The following DTX1 variants were observed in gnomAD, a reference collection of about 807,000 sequenced individuals.
The protein encoded by DTX1 is E3 ubiquitin-protein ligase DTX1.
A neutral mutation model predicts 57.8 loss-of-function variants in DTX1; 26 were observed. The observed-to-expected ratio is 0.45, with a 90% CI of 0.33 to 0.62. The LOEUF is 0.62. Among genes scored for constraint, DTX1 ranks in the 20% least tolerant of loss-of-function variants. The probability of loss-of-function intolerance (pLI) is 0.02; values close to 1 mark genes in which losing one functional copy is unlikely to be tolerated. For missense variants in DTX1, 704 were observed against 895.3 expected (o/e 0.79, Z 2.73); for synonymous variants, 398 against 394.1 (o/e 1.01, Z -0.12).
rs1950319054 is a variant in DTX1, at chr12:113,097,471, T to TTGGGCACCCACTGCCCCCCA, written c.*532_*533insTGGGCACCCACTGCCCCCCA. On this transcript the variant is annotated 3_prime_UTR_variant, in exon 10 of 10. Coordinates refer to ENST00000548759, the MANE Select transcript of DTX1 (RefSeq NM_004416.3). ...CACCCATTCCGTGTCATCACCCATG[T>TTGGGCACCCACTGCCCCCCA]CTGCCACCCACTGATTGGGCAATTG... 6.5e-6 allele frequency: 1 copy of TTGGGCACCCACTGCCCCCCA among 152,792 alleles called. No homozygotes were observed. The highest frequency in any genetic ancestry group is 6.5e-5 in the Admixed American group (1 of 15,312). The allele number at this position is 152,792 out of a possible 1,614,324, so 9.5% of individuals were successfully genotyped here.
chr12:113,083,309 G>A (rs972563649), intron 3 of DTX1, among the ~76,000 whole-genome samples: 1 of 152,098 alleles, frequency 6.6e-6, no homozygotes, highest in African/African-American at 2.4e-5. Flanking sequence ...GTGTCTGTGT[G>A]TCTCTCCTTT....
chr12:113,088,649 T>A (rs1288047051), intron 3 of DTX1, among the ~76,000 whole-genome samples: 3 of 152,192 alleles, frequency 2.0e-5, no homozygotes. Context: ...ATTAGTGCTA[T>A]GAAAAAAGAA....
chr12:113,085,984 T>C (rs886665202), intron 3 of DTX1, among the ~76,000 whole-genome samples: 1 of 152,128 alleles, frequency 6.6e-6, no homozygotes, highest in African/African-American at 2.4e-5. Flanking sequence ...AAGCAAGGTA[T>C]GGTCCAGGCA....
intron 2 of DTX1, among the ~76,000 whole-genome samples, chr12:113,074,809 T>G (rs770418984): frequency 2.0e-4 from 31 of 152,160 alleles, no homozygotes; most frequent in Non-Finnish European, 3.2e-4. Context: ...TGGAGATGAC[T>G]GGATTTACTG....
In DTX1 at chr12:113,096,863, C is replaced by T. The variant is rs370702255; in HGVS notation, c.1787C>T (p.Pro596Leu). The T allele has an allele frequency of 1.2e-6, 2 of 1,613,794 alleles. No homozygotes were observed. Among genetic ancestry groups the T allele is most frequent in the Non-Finnish European group, 1.7e-6 (2 of 1,180,034 alleles). The change falls in exon 10 of 10, where the codon CCG becomes CTG. Residue 596 changes from proline (P) to leucine (L), a missense_variant. By Grantham distance (98) the Pro-to-Leu change is moderately conservative. This residue lies in a region of DTX1 where 168 missense variants were observed against 255.6 expected (regional missense o/e 0.66). Transcript: ENST00000548759. ...TCCAACCTCACGGGCCACGGCTACC[C>T]GGACGCTAGCTACCTAGACAACGTG... is the stretch of plus-strand genomic sequence containing the variant. Reference protein sequence around the residue: ...FGSNLTGHGYPDASYLDNVLA... With the variant: ...FGSNLTGHGYLDASYLDNVLA...
At chr12:113,068,993 A>G (rs1028888922) in intron 2 of DTX1, among the ~76,000 whole-genome samples, 1 of 152,230 alleles carries the variant, frequency 6.6e-6, no homozygotes, top group Non-Finnish European at 1.5e-5. Context: ...TGTACAAGAC[A>G]GTGATCGTAA....
chr12:113,082,071 G>A (rs992406414), intron 3 of DTX1, among the ~76,000 whole-genome samples: 7 of 152,050 alleles, frequency 4.6e-5, no homozygotes, highest in Non-Finnish European at 7.4e-5. Context: ...GTTGTCTCCA[G>A]CCACATGCCG....
chr12:113,088,119 C>CG (rs1027780053), intron 3 of DTX1, among the ~76,000 whole-genome samples: 1 of 152,216 alleles, frequency 6.6e-6, no homozygotes, highest in African/African-American at 2.4e-5. Context: ...GCCCCTGACT[C>CG]GGAAACTCCA....
Position 113,097,236 on chromosome 12 carries a change from C to T in DTX1, c.*297C>T, listed in dbSNP as rs185442639. ...ACACATGTCCTGTTGAACTCATGCA[C>T]GCACACCCACGTGCCTGTACTTGCC... On this transcript the variant is annotated 3_prime_UTR_variant, in exon 10 of 10. Coordinates refer to ENST00000548759, the MANE Select transcript of DTX1 (RefSeq NM_004416.3). The T allele has an allele frequency of 2.4e-5, 9 of 375,350 alleles. No individual in the cohort carries two copies. Among genetic ancestry groups the T allele is most frequent in the Admixed American group, 1.3e-4 (3 of 23,136 alleles). The allele number at this position is 375,350 out of a possible 1,614,324, so 23.3% of individuals were successfully genotyped here. A position where few individuals can be genotyped will look rare whatever the true frequency, so the allele number is the denominator to read the frequency against.
intron 1 of DTX1, 46 bp from the exon 2 acceptor site, chr12:113,057,403 T>G (rs2136419824): frequency 6.6e-6 from 1 of 152,332 alleles, no homozygotes; most frequent in East Asian, 1.9e-4. Context: ...GAGGGGGTGC[T>G]GCGCTCTCCT....
At position 113,078,036 on chromosome 12, in the gene DTX1, A is replaced by C; in HGVS notation, c.872A>C (p.Gln291Pro). The C allele has an allele frequency of 1.4e-5, 18 of 1,311,636 alleles. No homozygotes were observed. Among genetic ancestry groups the C allele is most frequent in the Non-Finnish European group, 1.8e-5 (18 of 1,027,870 alleles). 81.2% of individuals were successfully genotyped at this position (1,311,636 alleles called of 1,614,324 possible). A position where few individuals can be genotyped will look rare whatever the true frequency, so the allele number is the denominator to read the frequency against. The change falls in exon 3 of 10, where the codon CAG becomes CCG. Residue 291 changes from glutamine to proline, a missense_variant. Physicochemically the swap from Gln to Pro is moderately conservative, Grantham distance 76. Coordinates refer to ENST00000548759, the MANE Select transcript of DTX1 (RefSeq NM_004416.3). ...CCCGGCGGAGCGCGCACCCCGGGGC[A>C]GAACAACCTCAACCGGCCCGGGCCC... ...GAPGGARTPG[Q>P]NNLNRPGPQR...
chr12:113,071,349 T>C (rs2044736855), intron 2 of DTX1, among the ~76,000 whole-genome samples: 1 of 152,198 alleles, frequency 6.6e-6, no homozygotes, highest in Admixed American at 6.5e-5. Context: ...AAGCCTGGAA[T>C]TTTTCTGCCA....
rs780617702 is a variant in DTX1 at position 113,097,057 on chromosome 12, G to A, written c.*118G>A. On this transcript the variant is annotated 3_prime_UTR_variant, in exon 10 of 10. Coordinates refer to ENST00000548759, the MANE Select transcript of DTX1 (RefSeq NM_004416.3). ...TGGGGAGGAGCCTGCGGAAGGGGCC[G>A]CAGCCATTCAGGGGACCTGCCTGGT... 5.2e-5 allele frequency: 61 copies of A among 1,182,486 alleles called. No homozygotes were observed. The highest frequency in any genetic ancestry group is 1.1e-4 in the Admixed American group (4 of 36,818). 73.2% of individuals were successfully genotyped at this position (1,182,486 alleles called of 1,614,324 possible). A position where few individuals can be genotyped will look rare whatever the true frequency, so the allele number is the denominator to read the frequency against.
At chr12:113,095,000 TG>T (rs769440988) in intron 7 of DTX1, 41 bp from the exon 8 acceptor site, 63 of 1,604,386 alleles carry the variant, frequency 3.9e-5, no homozygotes, top group African/African-American at 8.0e-5. Flanking sequence ...GAGTGGGGTT[TG>T]GGGGGGTGCT....
chr12:113,073,773 C>T (rs1261184150), intron 2 of DTX1, among the ~76,000 whole-genome samples: 1 of 152,152 alleles, frequency 6.6e-6, no homozygotes, highest in Non-Finnish European at 1.5e-5. Context: ...AGGAAGATGC[C>T]AATTAACAAT....
chr12:113,078,689 T>C (rs967328449), intron 3 of DTX1, among the ~76,000 whole-genome samples: 1 of 152,130 alleles, frequency 6.6e-6, no homozygotes. Context: ...CCAAAGTCTG[T>C]GCTGTGTTGT....
chr12:113,089,136 G>A (rs1260223936), intron 3 of DTX1, among the ~76,000 whole-genome samples: 1 of 152,180 alleles, frequency 6.6e-6, no homozygotes, highest in Non-Finnish European at 1.5e-5. Context: ...CCTTGGGAAA[G>A]GGTCAGCAAG....
chr12:113,093,391 C>G lies in DTX1; in HGVS notation c.1004-148C>G. On this transcript the variant is annotated intron_variant, in intron 4 of 9. Coordinates refer to ENST00000548759, the MANE Select transcript of DTX1 (RefSeq NM_004416.3). The surrounding 1 kb of genome is among the most constrained non-coding windows in gnomAD (Gnocchi z 4.2). ...GGCGGGCGTGGCCCGCAGAAAGGCCCTTCAGGGGCCTTCAAGGGGCTGAGT... is the reference window on the plus strand; with the variant it reads ...GGCGGGCGTGGCCCGCAGAAAGGCCGTTCAGGGGCCTTCAAGGGGCTGAGT... The G allele has an allele frequency of 3.7e-6, 5 of 1,343,062 alleles. No homozygotes were observed. The highest frequency in any genetic ancestry group is 5.0e-6 in the Non-Finnish European group (5 of 1,009,684). 83.2% of individuals were successfully genotyped at this position (1,343,062 alleles called of 1,614,324 possible).
At position 113,097,803 on chromosome 12, in the gene DTX1, G is replaced by C. The variant is rs1173721622; in HGVS notation, c.*864G>C. 1.3e-5 allele frequency: 2 copies of C among 152,708 alleles called. No homozygotes were observed. The allele number at this position is 152,708 out of a possible 1,614,324, so 9.5% of individuals were successfully genotyped here. On this transcript the variant is annotated 3_prime_UTR_variant, in exon 10 of 10. Coordinates refer to ENST00000548759, the MANE Select transcript of DTX1 (RefSeq NM_004416.3). ...GGGCCGATGTATTTTAAAGCAGAGT[G>C]GACAGCAGAGAGTCAATTTCCCTTT...
Sources: gnomAD v4.1 joint callset for allele counts (sites outside exome capture counted in the v4.1 genomes callset) on GRCh38, gnomAD v4.1.1 for gene constraint, gnomAD v4.1.1 regional missense constraint, Gnocchi (gnomAD v3.1) non-coding constraint, MANE v1.5 for transcripts, NCBI Gene and HGNC (gene_info 2026-07-23, HGNC 2026-07-21) for gene names.